ACAN: variants seen among roughly 807,000 people sequenced by gnomAD.
The protein encoded by ACAN is aggrecan core protein.
A neutral mutation model predicts 169.1 loss-of-function variants in ACAN; 47 were observed. The ratio of observed to expected loss-of-function variants is 0.28; its 90% CI spans 0.22 to 0.35. The LOEUF (loss-of-function observed/expected upper bound fraction) is 0.35. Ranked by LOEUF, ACAN falls within the 10% of genes least tolerant of loss-of-function variation. The pLI, the probability that ACAN is intolerant of heterozygous loss-of-function variation, is 1.00. For missense variants in ACAN, 2,716 were observed against 2,759.9 expected, an observed-to-expected ratio of 0.98 and a Z score of 0.36; for synonymous variants, 1,115 against 1,112.2, an observed-to-expected ratio of 1.00 and a Z score of -0.05.
chr15:88,853,536 G>A (rs1896977811), intron 11 of ACAN, among the ~76,000 whole-genome samples: 1 of 152,114 alleles, frequency 6.6e-6, no homozygotes, highest in Non-Finnish European at 1.5e-5. Flanking sequence ...TACTCGGGAG[G>A]CTGAGGCATG....
Position 88,866,440 on chromosome 15 carries a change from A to ACTG in ACAN, c.6947-1766_6947-1764dup, listed in dbSNP as rs1445071634. 1.3e-5 allele frequency among the ~76,000 whole-genome samples: 2 copies of ACTG among 152,122 alleles called. No individual in the cohort carries two copies. The highest frequency in any genetic ancestry group is 2.4e-5 in the African/African-American group (1 of 41,414). ...CCGACTGGCCTGACCTATTGCTGCT[A>ACTG]CTGCTGCTGCTGGGAATCCTGGGGC... On this transcript the variant is annotated intron_variant, in intron 13 of 18. Coordinates refer to ENST00000560601, the MANE Select transcript of ACAN (RefSeq NM_001369268.1). The surrounding 1 kb of genome is among the most constrained non-coding windows in gnomAD (Gnocchi z 5.6).
chr15:88,847,328 G>T lies in ACAN; in HGVS notation c.1515G>T (p.Ala505=), dbSNP rs34957282. The part of the protein sequence containing the change: ...EAQQACLRTG[A]VIASPEQLQA... ...AGCAGGCCTGCCTGCGCACGGGGGC[G>T]GTCATTGCCTCGCCGGAGCAGCTCC... is the stretch of plus-strand genomic sequence containing the variant. Residue 505 remains alanine, a synonymous_variant, in exon 8 of 19, where the codon GCG becomes GCT. Transcript: ENST00000560601. 1 of 1,581,306 alleles carries T rather than the reference G, an allele frequency of 6.3e-7. No homozygotes were observed. The highest frequency in any genetic ancestry group is 1.3e-5 in the African/African-American group (1 of 74,288).
chr15:88,819,702 G>C (rs768994049), intron 1 of ACAN, among the ~76,000 whole-genome samples: 3 of 151,862 alleles, frequency 2.0e-5, no homozygotes, highest in Non-Finnish European at 2.9e-5. Context: ...GGAATTGAAG[G>C]CTGCAGTGAG....
At position 88,874,351 on chromosome 15, in the gene ACAN, G is replaced by A. The variant is rs367829597; in HGVS notation, c.7631-54G>A. 2.8e-5 allele frequency: 41 copies of A among 1,487,064 alleles called. No homozygotes were observed. The highest frequency in any genetic ancestry group is 1.2e-4 in the East Asian group (5 of 40,946). The allele number at this position is 1,487,064 out of a possible 1,614,324, so 92.1% of individuals were successfully genotyped here. ...GGTAGTCTGGGGAGAGCCTGGGCTCGCCCCACTTTCTTTCCAGGTCCACTG... is the reference window on the plus strand; with the variant it reads ...GGTAGTCTGGGGAGAGCCTGGGCTCACCCCACTTTCTTTCCAGGTCCACTG... On this transcript the variant is annotated intron_variant, in intron 18 of 18. Coordinates refer to ENST00000560601, the MANE Select transcript of ACAN (RefSeq NM_001369268.1). The surrounding 1 kb of genome is among the most constrained non-coding windows in gnomAD (Gnocchi z 7.3).
chr15:88,838,973 C>A lies in ACAN; in HGVS notation c.381C>A (p.Asp127Glu). ...AAGTCCAGAGCCTGCGCTCCAATGA[C>A]TCTGGGGTCTACCGCTGCGAGGTGA... ...TLEVQSLRSN[D>E]SGVYRCEVMH... Residue 127 changes from aspartate to glutamate, a missense_variant, in exon 3 of 19, where the codon GAC (aspartate) becomes GAA (glutamate). Physicochemically the swap from Asp to Glu is conservative, Grantham distance 45. Transcript: ENST00000560601. This position sits in a 1 kb window ranked among gnomAD's most constrained non-coding sequence, Gnocchi z 5.1. The A allele has an allele frequency of 6.2e-7, 1 of 1,613,280 alleles. No homozygotes were observed. Among genetic ancestry groups the A allele is most frequent in the Non-Finnish European group, 8.5e-7 (1 of 1,179,906 alleles).
intron 1 of ACAN, among the ~76,000 whole-genome samples, chr15:88,813,368 A>G (rs916344779): frequency 1.3e-5 from 2 of 152,204 alleles, no homozygotes; most frequent in Admixed American, 1.3e-4. Context: ...TGTCATATAT[A>G]GGAAATCTGG....
At chr15:88,853,770 A>G (rs1286386426) in intron 11 of ACAN, among the ~76,000 whole-genome samples, 1 of 151,982 alleles carries the variant, frequency 6.6e-6, no homozygotes. Context: ...ACATACATAC[A>G]TACATACATA....
chr15:88,871,346 C>A lies in ACAN; in HGVS notation c.7061-36C>A, dbSNP rs767060275. ...AGCATCTGCCATCCCCTGGTGGCCT[C>A]TGCCCCTCCCTTCAAGCCCCTGACC... On this transcript the variant is annotated intron_variant, in intron 14 of 18. Coordinates refer to ENST00000560601, the MANE Select transcript of ACAN (RefSeq NM_001369268.1). The surrounding 1 kb of genome is among the most constrained non-coding windows in gnomAD (Gnocchi z 7.8). 1.2e-6 allele frequency: 2 copies of A among 1,612,826 alleles called. No individual in the cohort carries two copies. The highest frequency in any genetic ancestry group is 3.3e-5 in the Admixed American group (2 of 59,970).
intron 1 of ACAN, among the ~76,000 whole-genome samples, chr15:88,822,351 G>A (rs1596118614): frequency 1.3e-5 from 2 of 152,228 alleles, no homozygotes; most frequent in Admixed American, 6.5e-5. Context: ...GGACTGCTCT[G>A]TGAATGCCCT....
chr15:88,831,553 C>A (rs1046367789), intron 1 of ACAN, among the ~76,000 whole-genome samples: 4 of 152,220 alleles, frequency 2.6e-5, no homozygotes, highest in African/African-American at 9.7e-5. Context: ...CTCTTTGTGC[C>A]ACACACTACA....
At chr15:88,846,124 G>C (rs1026972718) in intron 7 of ACAN, among the ~76,000 whole-genome samples, 1 of 152,194 alleles carries the variant, frequency 6.6e-6, no homozygotes, top group African/African-American at 2.4e-5. Context: ...TCCAGTCTCT[G>C]TATCAAGCAG....
rs8042075 is a variant in ACAN at position 88,868,921 on chromosome 15, C to A, written c.7060+592C>A. Among the ~76,000 whole-genome samples, 9,588 of 152,254 alleles carry A rather than the reference C, an allele frequency of 0.063. 400 individuals carry two copies. Among genetic ancestry groups the A allele is most frequent in the East Asian group, 0.13 (654 of 5,168 alleles). ...ATCACTATTGTGACAGCTGCCATGG[C>A]AATGCCATGCCAGCCTATGCTTCCT... On this transcript the variant is annotated intron_variant, in intron 14 of 18. Transcript: ENST00000560601. This position sits in a 1 kb window ranked among gnomAD's most constrained non-coding sequence, Gnocchi z 5.2.
chr15:88,838,579 A>G lies in ACAN; in HGVS notation c.71-84A>G, dbSNP rs1896564255. 1.4e-6 allele frequency: 2 copies of G among 1,470,846 alleles called. No homozygotes were observed. The highest frequency in any genetic ancestry group is 1.8e-6 in the Non-Finnish European group (2 of 1,088,364). 91.1% of individuals were successfully genotyped at this position (1,470,846 alleles called of 1,614,324 possible). A position where few individuals can be genotyped will look rare whatever the true frequency, so the allele number is the denominator to read the frequency against. ...GGATTTCGCTCTCTCAGGAGAGTGC[A>G]TTGCTGGAAGGATGGATGGGGAGGC... is the stretch of plus-strand genomic sequence containing the variant. On this transcript the variant is annotated intron_variant, in intron 2 of 18. Coordinates refer to ENST00000560601, the MANE Select transcript of ACAN (RefSeq NM_001369268.1). This position sits in a 1 kb window ranked among gnomAD's most constrained non-coding sequence, Gnocchi z 5.1.
chr15:88,821,627 A>G (rs1896078120), intron 1 of ACAN, among the ~76,000 whole-genome samples: 1 of 152,192 alleles, frequency 6.6e-6, no homozygotes, highest in African/African-American at 2.4e-5. Context: ...TCTGGATGAA[A>G]GGCAATTATT....
rs538134349 is a variant in ACAN at position 88,829,842 on chromosome 15, G to C, written c.-7-6358G>C. Among the ~76,000 whole-genome samples, 13 of 152,340 alleles carry C rather than the reference G, an allele frequency of 8.5e-5. No homozygotes were observed. In the South Asian group the frequency reaches 2.7e-3, roughly 32 times the overall value. ...TTTTGTGTTATTCCTGGTACTGTGT[G>C]AGTTAGCATAAAGGGATTTTGTTTT... On this transcript the variant is annotated intron_variant, in intron 1 of 18. Transcript: ENST00000560601.
chr15:88,836,307 T>A (rs1218742143), intron 2 of ACAN, 31 bp downstream of exon 2: 1 of 1,579,376 alleles, frequency 6.3e-7, no homozygotes, highest in Non-Finnish European at 8.7e-7. Flanking sequence ...GTTTCACGTA[T>A]TCAGTAGGCA....
In ACAN at chr15:88,843,689, A is replaced by G; in HGVS notation, c.1051+41A>G. 6.5e-7 allele frequency: 1 copy of G among 1,534,620 alleles called. No individual in the cohort carries two copies. The highest frequency in any genetic ancestry group is 2.3e-5 in the East Asian group (1 of 43,536). ...TGGTGGGAAGGGAGTTCATGCCACT[A>G]AAATGGGGTCCTAGAGGGAAGAGGG... On this transcript the variant is annotated intron_variant, in intron 6 of 18. Transcript: ENST00000560601. The surrounding 1 kb of genome is among the most constrained non-coding windows in gnomAD (Gnocchi z 4.0).
In ACAN at chr15:88,872,131, T is replaced by G. The variant is rs763939299; in HGVS notation, c.7302+46T>G. 10 of 1,531,912 alleles carry G rather than the reference T, an allele frequency of 6.5e-6. No individual in the cohort carries two copies. The Admixed American group carries it at 1.3e-4, about 20-fold the overall frequency. 94.9% of individuals were successfully genotyped at this position (1,531,912 alleles called of 1,614,324 possible). On this transcript the variant is annotated intron_variant, in intron 16 of 18. Transcript: ENST00000560601. The surrounding 1 kb of genome is among the most constrained non-coding windows in gnomAD (Gnocchi z 5.4). ...AGCTGGTGGCCCAGGGGACAGGGAGTGGGATAGAGACCCCTGGAGAGAGAT... is the reference window on the plus strand; with the variant it reads ...AGCTGGTGGCCCAGGGGACAGGGAGGGGGATAGAGACCCCTGGAGAGAGAT...
chr15:88,863,213 A>C (rs1014999044), intron 13 of ACAN, among the ~76,000 whole-genome samples: 2 of 152,118 alleles, frequency 1.3e-5, no homozygotes, highest in Non-Finnish European at 2.9e-5. Flanking sequence ...GTTCTTGATA[A>C]GTTATTATAA....
Sources: gnomAD v4.1 joint callset for allele counts (sites outside exome capture counted in the v4.1 genomes callset) on GRCh38, gnomAD v4.1.1 for gene constraint, Gnocchi (gnomAD v3.1) non-coding constraint, MANE v1.5 for transcripts, NCBI Gene and HGNC (gene_info 2026-07-23, HGNC 2026-07-21) for gene names.